RASSF8: variants seen among roughly 807,000 people sequenced by gnomAD.
The protein encoded by RASSF8 is Ras association domain family member 8.
A neutral mutation model predicts 48.5 loss-of-function variants in RASSF8; 22 were observed. That is an observed-to-expected ratio of 0.45 (90% CI 0.32 to 0.65). The LOEUF is 0.65. Among genes scored for constraint, RASSF8 ranks in the 30% least tolerant of loss-of-function variants. RASSF8 has a pLI of 0.03. For synonymous variants in RASSF8, 127 were observed against 171.5 expected (o/e 0.74, Z 2.03); for missense variants, 418 against 489.2 (o/e 0.85, Z 1.37).
chr12:26,056,470 CTCTTTG>C (rs1001371306), intron 3 of RASSF8, among the ~76,000 whole-genome samples: 2 of 152,172 alleles, frequency 1.3e-5, no homozygotes, highest in Admixed American at 6.5e-5. Context: ...TGTTCAGGGC[CTCTTTG>C]TCTTTGAGCT....
At chr12:25,983,756 T>A (rs1192651662) in intron 1 of RASSF8, among the ~76,000 whole-genome samples, 1 of 152,170 alleles carries the variant, frequency 6.6e-6, no homozygotes. Flanking sequence ...AAGGCATTTT[T>A]TATCTGTACA....
At chr12:26,044,161 A>G (rs1943324086) in intron 2 of RASSF8, among the ~76,000 whole-genome samples, 1 of 152,140 alleles carries the variant, frequency 6.6e-6, no homozygotes, top group African/African-American at 2.4e-5. Flanking sequence ...CCCACTTTGC[A>G]GCTCACTAAG....
At chr12:26,060,600 A>G (rs1288503494) in intron 3 of RASSF8, among the ~76,000 whole-genome samples, 4 of 152,218 alleles carry the variant, frequency 2.6e-5, no homozygotes, top group African/African-American at 4.8e-5. Context: ...CTATAAGATA[A>G]TAAAGTGTAA....
In RASSF8 at chr12:26,070,876, T is replaced by C. The variant is rs1943984817; in HGVS notation, c.*2058T>C. On this transcript the variant is annotated 3_prime_UTR_variant, in exon 6 of 6. Transcript: ENST00000689635. ...GGCATACCACGAAAAACACTGTCAA[T>C]ATCCAACTCATTATAAATTGTTATC... is the stretch of plus-strand genomic sequence containing the variant. 1.0e-6 allele frequency: 1 copy of C among 984,744 alleles called. No individual in the cohort carries two copies. The highest frequency in any genetic ancestry group is 1.2e-6 in the Non-Finnish European group (1 of 829,424). The allele number at this position is 984,744 out of a possible 1,614,324, so 61.0% of individuals were successfully genotyped here. A position where few individuals can be genotyped will look rare whatever the true frequency, so the allele number is the denominator to read the frequency against.
intron 1 of RASSF8, among the ~76,000 whole-genome samples, chr12:25,969,003 C>T (rs1250022699): frequency 6.6e-6 from 1 of 152,202 alleles, no homozygotes; most frequent in Non-Finnish European, 1.5e-5. Flanking sequence ...ATAGAGGGCA[C>T]AGTGCAGAGG....
chr12:26,013,926 A>G (rs916082546), intron 2 of RASSF8, among the ~76,000 whole-genome samples: 1 of 152,174 alleles, frequency 6.6e-6, no homozygotes, highest in African/African-American at 2.4e-5. Flanking sequence ...AAATAGTTCT[A>G]TTTTGTAACC....
intron 1 of RASSF8, among the ~76,000 whole-genome samples, chr12:25,987,316 TTG>T (rs1335382356): frequency 6.6e-6 from 1 of 152,208 alleles, no homozygotes; most frequent in Non-Finnish European, 1.5e-5. Flanking sequence ...ACAGTACATC[TTG>T]TGAGCTATGC....
chr12:26,069,081 A>G lies in RASSF8; in HGVS notation c.*263A>G, dbSNP rs577766155. On this transcript the variant is annotated 3_prime_UTR_variant, in exon 6 of 6. Coordinates refer to ENST00000689635, the MANE Select transcript of RASSF8 (RefSeq NM_001394098.1). ...CTTCGTTTTTATTTGTAGCATTTTG[A>G]GAGCTTTAGGAAAGTATTATATAGT... The G allele has an allele frequency of 3.5e-6, 4 of 1,135,068 alleles. No individual in the cohort carries two copies. In the East Asian group the frequency reaches 2.2e-4, roughly 63 times the overall value. The allele number at this position is 1,135,068 out of a possible 1,614,324, so 70.3% of individuals were successfully genotyped here.
intron 2 of RASSF8, among the ~76,000 whole-genome samples, chr12:26,050,770 T>C (rs1943473787): frequency 6.6e-6 from 1 of 152,242 alleles, no homozygotes; most frequent in Admixed American, 6.5e-5. Context: ...GAATAATTCA[T>C]TGATGCTGAA....
chr12:25,969,170 G>A (rs558129747), intron 1 of RASSF8, among the ~76,000 whole-genome samples: 1 of 152,314 alleles, frequency 6.6e-6, no homozygotes, highest in South Asian at 2.1e-4. Flanking sequence ...TTGACTCTGA[G>A]TGAGAAGACA....
intron 3 of RASSF8, 85 bp from the exon 4 acceptor site, chr12:26,064,413 C>T (rs1943816169): frequency 3.8e-6 from 5 of 1,320,040 alleles, no homozygotes; most frequent in Non-Finnish European, 5.2e-6. Context: ...ATCGAAAATA[C>T]ACAATCATCA....
intron 5 of RASSF8, chr12:26,078,892 G>T (rs11048403): frequency 1.3e-5 from 8 of 606,598 alleles, no homozygotes; most frequent in African/African-American, 1.9e-5. Context: ...TTTCTAGAAG[G>T]TTCTCAAAAA....
chr12:25,978,518 G>A (rs1941663178), intron 1 of RASSF8, among the ~76,000 whole-genome samples: 2 of 152,148 alleles, frequency 1.3e-5, no homozygotes, highest in Admixed American at 1.3e-4. Flanking sequence ...GCATGTGCTT[G>A]TGCACCTTAT....
intron 2 of RASSF8, among the ~76,000 whole-genome samples, chr12:26,036,991 G>A (rs1943166879): frequency 6.6e-6 from 1 of 151,936 alleles, no homozygotes; most frequent in South Asian, 2.1e-4. Context: ...ATAGGAAGTT[G>A]GTGTTTTCCT....
intron 2 of RASSF8, among the ~76,000 whole-genome samples, chr12:26,031,386 G>T (rs530715827): frequency 6.6e-6 from 1 of 151,992 alleles, no homozygotes; most frequent in African/African-American, 2.4e-5. Context: ...ATCGTTACAC[G>T]TGAGACCCAT....
rs773153215 is a variant in RASSF8 at position 26,065,202 on chromosome 12, A to G, written c.808A>G (p.Ser270Gly). The G allele has an allele frequency of 1.2e-6, 2 of 1,614,214 alleles. No individual in the cohort carries two copies. The highest frequency in any genetic ancestry group is 1.7e-6 in the Non-Finnish European group (2 of 1,180,026). Residue 270 changes from serine to glycine, a missense_variant, in exon 4 of 6, where the codon AGT (serine) becomes GGT (glycine). Ser to Gly is a moderately conservative substitution (Grantham distance 56). Transcript: ENST00000689635. Reference sequence around the variant, plus strand: ...TTTGGCACAGATCCGGACTATGGAAAGTGGTCTTGAAGCAGAAAAATTGCA... The same window carrying G: ...TTTGGCACAGATCCGGACTATGGAAGGTGGTCTTGAAGCAGAAAAATTGCA... ...DYLAQIRTME[S>G]GLEAEKLQRE...
chr12:26,058,492 G>A lies in RASSF8; in HGVS notation c.103+3046G>A, dbSNP rs564792309. Among the ~76,000 whole-genome samples, 11 of 152,124 alleles carry A rather than the reference G, an allele frequency of 7.2e-5. No homozygotes were observed. The East Asian group carries it at 2.1e-3, about 30-fold the overall frequency. Reference sequence around the variant, plus strand: ...AGACTGGTTTCTTAGGTTTAAGTGCGCGTCTTTGCCTCATGGGGGCACTAC... The same window carrying A: ...AGACTGGTTTCTTAGGTTTAAGTGCACGTCTTTGCCTCATGGGGGCACTAC... On this transcript the variant is annotated intron_variant, in intron 3 of 5. Transcript: ENST00000689635.
At chr12:25,960,968 A>G (rs561559681) in intron 1 of RASSF8, among the ~76,000 whole-genome samples, 5 of 152,344 alleles carry the variant, frequency 3.3e-5, no homozygotes, top group African/African-American at 9.6e-5. Context: ...GATATTTGGT[A>G]ATTACAGATT....
At chr12:26,061,436 A>G (rs1372246039) in intron 3 of RASSF8, among the ~76,000 whole-genome samples, 1 of 152,158 alleles carries the variant, frequency 6.6e-6, no homozygotes, top group Admixed American at 6.5e-5. Flanking sequence ...GATTAGTCTC[A>G]GTTGCTTCAA....
Sources: allele counts gnomAD v4.1 joint callset (sites outside exome capture counted in the v4.1 genomes callset), GRCh38; gene constraint gnomAD v4.1.1; transcripts MANE v1.5; gene names NCBI Gene and HGNC (gene_info 2026-07-23, HGNC 2026-07-21).